Variants in KANK2 observed in about 807,000 individuals in gnomAD.
KANK2 encodes the protein KN motif and ankyrin repeat domain-containing protein 2.
A neutral mutation model predicts 74.6 loss-of-function variants in KANK2; 41 were observed. That is an observed-to-expected ratio of 0.55 (90% confidence interval 0.43 to 0.71). The LOEUF (loss-of-function observed/expected upper bound fraction) is 0.71, where lower values mean the gene tolerates loss of function less well. KANK2 is among the 30% of genes least tolerant of loss of function. The pLI is 0.00. For synonymous variants in KANK2, 537 were observed against 519.0 expected (o/e 1.03, Z -0.47); for missense variants, 1,148 against 1,196.4 (o/e 0.96, Z 0.60).
rs764709573 is a variant in KANK2, at chr19:11,178,683, G to A, written c.1287C>T (p.Pro429=). The change falls in exon 5 of 13, where the codon CCC becomes CCT. Residue 429 remains proline (P), a synonymous_variant. Coordinates refer to ENST00000586659, the MANE Select transcript of KANK2 (RefSeq NM_001136191.3). ...PEVPAESSSS[P]PGSEVASLTQ... ...TAAGGGAGGCTACCTCGGACCCCGGGGGTGACGAAGACGATTCGGCAGGAA... is the reference window on the plus strand; with the variant it reads ...TAAGGGAGGCTACCTCGGACCCCGGAGGTGACGAAGACGATTCGGCAGGAA... 6.5e-7 allele frequency: 1 copy of A among 1,543,490 alleles called. No homozygotes were observed. Among genetic ancestry groups the A allele is most frequent in the Non-Finnish European group, 8.7e-7 (1 of 1,150,314 alleles).
rs529036135 is a variant in KANK2 at position 11,174,505 on chromosome 19, T to C, written c.2036A>G (p.Asn679Ser). 28 of 1,613,146 alleles carry C rather than the reference T, an allele frequency of 1.7e-5. No individual in the cohort carries two copies. Among genetic ancestry groups the C allele is most frequent in the South Asian group, 1.3e-4 (12 of 90,856 alleles). The change falls in exon 9 of 13, where the codon AAC becomes AGC. Residue 679 changes from asparagine to serine, a missense_variant. Physicochemically the swap from Asn to Ser is conservative, Grantham distance 46. Coordinates refer to ENST00000586659, the MANE Select transcript of KANK2 (RefSeq NM_001136191.3). ...GAGCAGCTGCTGCACCACGGGGAAG[T>C]TGGCATGAGACACGGAGTAGTGCAG... ...TALHYSVSHA[N>S]FPVVQQLLDS...
Position 11,183,752 on chromosome 19 carries a change from G to A in KANK2, c.1250-5032C>T, listed in dbSNP as rs905447989. Among the ~76,000 whole-genome samples the A allele has an allele frequency of 3.9e-5, 6 of 152,058 alleles. No individual in the cohort carries two copies. In the East Asian group the frequency reaches 9.7e-4, roughly 24 times the overall value. On this transcript the variant is annotated intron_variant, in intron 4 of 12. Coordinates refer to ENST00000586659, the MANE Select transcript of KANK2 (RefSeq NM_001136191.3). ...TGCAACTTTCGCCTCCCTGATTCAAGTGATTCTCCTGCCTCAGCCTCCCGA... is the reference window on the plus strand; with the variant it reads ...TGCAACTTTCGCCTCCCTGATTCAAATGATTCTCCTGCCTCAGCCTCCCGA...
Position 11,166,623 on chromosome 19 carries a change from A to G in KANK2, c.2503-12T>C. ...GACATTGGGGCAAACTGAAACAGAGAAGCAGAATTCTTTTTGTTTGGGATC... is the reference window on the plus strand; with the variant it reads ...GACATTGGGGCAAACTGAAACAGAGGAGCAGAATTCTTTTTGTTTGGGATC... On this transcript the variant is annotated splice_polypyrimidine_tract_variant and intron_variant, in intron 12 of 12. Transcript: ENST00000586659. 6.2e-7 allele frequency: 1 copy of G among 1,613,992 alleles called. No homozygotes were observed. The highest frequency in any genetic ancestry group is 8.5e-7 in the Non-Finnish European group (1 of 1,179,872).
chr19:11,188,428 C>T (rs1600821442), intron 4 of KANK2, among the ~76,000 whole-genome samples: 1 of 151,792 alleles, frequency 6.6e-6, no homozygotes, highest in East Asian at 1.9e-4. Context: ...TGGTCTCGAG[C>T]TCCTGACCTC....
At position 11,193,581 on chromosome 19, in the gene KANK2, G is replaced by A; in HGVS notation, c.499C>T (p.Pro167Ser). The A allele has an allele frequency of 6.3e-7, 1 of 1,588,486 alleles. No individual in the cohort carries two copies. The highest frequency in any genetic ancestry group is 8.6e-7 in the Non-Finnish European group (1 of 1,168,948). Reference sequence around the variant, plus strand: ...GACAGTCCTGAACTCCGTGGTGTCGGGGGTGGCAACCCCACGCCCACCAGG... The same window carrying A: ...GACAGTCCTGAACTCCGTGGTGTCGAGGGTGGCAACCCCACGCCCACCAGG... The part of the protein sequence containing the change: ...ASLVGVGLPP[P>S]TPRSSGLSTP... Residue 167 changes from proline to serine, a missense_variant, in exon 4 of 13, where the codon CCG becomes TCG. By Grantham distance (74) the Pro-to-Ser change is moderately conservative. Transcript: ENST00000586659. The surrounding 1 kb of genome is among the most constrained non-coding windows in gnomAD (Gnocchi z 9.6).
intron 4 of KANK2, 113 bp downstream of exon 4, chr19:11,192,718 C>A (rs766404783): frequency 5.3e-6 from 7 of 1,328,186 alleles, no homozygotes; most frequent in South Asian, 2.4e-5. Flanking sequence ...TACAGGCATG[C>A]GCCACCGCAC....
Position 11,179,308 on chromosome 19 carries a change from C to T in KANK2, c.1250-588G>A, listed in dbSNP as rs55667023. Among the ~76,000 whole-genome samples the T allele has an allele frequency of 1.1e-3, 129 of 119,064 alleles. 2 individuals are homozygous for T. Among genetic ancestry groups the T allele is most frequent in the African/African-American group, 3.8e-3 (117 of 30,768 alleles). 78.1% of individuals were successfully genotyped at this position (119,064 alleles called of 152,430 possible). A position where few individuals can be genotyped will look rare whatever the true frequency, so the allele number is the denominator to read the frequency against. ...TCCAGCCTGGGCAACAGAGCAAGAC[C>T]CTGCCTCTCAAAAAAAAAAAAAAAT... On this transcript the variant is annotated intron_variant, in intron 4 of 12. Transcript: ENST00000586659.
Position 11,194,057 on chromosome 19 carries a change from A to G in KANK2, c.38-15T>C. On this transcript the variant is annotated splice_polypyrimidine_tract_variant and intron_variant, in intron 3 of 12. Coordinates refer to ENST00000586659, the MANE Select transcript of KANK2 (RefSeq NM_001136191.3). ...GCCAGGGGTCCCTGGGGATGGGAGA[A>G]ACACCAGGACCTTTGAATCCTCTTG... The G allele has an allele frequency of 6.3e-7, 1 of 1,589,830 alleles. No homozygotes were observed. Among genetic ancestry groups the G allele is most frequent in the Non-Finnish European group, 8.6e-7 (1 of 1,167,884 alleles).
chr19:11,177,487 T>C (rs2078379378), intron 6 of KANK2, among the ~76,000 whole-genome samples: 1 of 152,096 alleles, frequency 6.6e-6, no homozygotes. Context: ...CCCAAGTAGC[T>C]GGGACTGCAG....
At chr19:11,194,397 G>T (rs1263332336) in intron 3 of KANK2, 78 bp downstream of exon 3, 1 of 1,206,528 alleles carries the variant, frequency 8.3e-7, no homozygotes, top group Middle Eastern at 2.3e-4. Context: ...AAAGTCCCCA[G>T]GGCAAGGTCC....
chr19:11,193,003 A>T lies in KANK2; in HGVS notation c.1077T>A (p.Pro359=). The T allele has an allele frequency of 6.2e-7, 1 of 1,613,724 alleles. No individual in the cohort carries two copies. The highest frequency in any genetic ancestry group is 1.3e-5 in the African/African-American group (1 of 75,056). Reference sequence around the variant, plus strand: ...CCAGGGCCCTCAGCCCTGTGCCGTAAGGCTCCAGGCTCTGGGCCCGCTGTG... The same window carrying T: ...CCAGGGCCCTCAGCCCTGTGCCGTATGGCTCCAGGCTCTGGGCCCGCTGTG... The part of the protein sequence containing the change: ...APAQRAQSLE[P]YGTGLRALAM... Residue 359 remains proline, a synonymous_variant, in exon 4 of 13, where the codon CCT becomes CCA. Coordinates refer to ENST00000586659, the MANE Select transcript of KANK2 (RefSeq NM_001136191.3). The surrounding 1 kb of genome is among the most constrained non-coding windows in gnomAD (Gnocchi z 9.6).
rs2078022561 is a variant in KANK2, at chr19:11,166,383, G to C, written c.*175C>G. The C allele has an allele frequency of 9.8e-6, 6 of 611,814 alleles. No homozygotes were observed. The highest frequency in any genetic ancestry group is 1.4e-5 in the Non-Finnish European group (5 of 346,996). The allele number at this position is 611,814 out of a possible 1,614,324, so 37.9% of individuals were successfully genotyped here. A position where few individuals can be genotyped will look rare whatever the true frequency, so the allele number is the denominator to read the frequency against. ...AGCCAAGAAAACCCACTTGGAGCTG[G>C]AGTCCTGTGGCCGTCGGGGCTCCCC... On this transcript the variant is annotated 3_prime_UTR_variant, in exon 13 of 13. Transcript: ENST00000586659.
rs1354504790 is a variant in KANK2, at chr19:11,178,621, T to A, written c.1349A>T (p.Gln450Leu). 5.0e-6 allele frequency: 8 copies of A among 1,598,706 alleles called. No homozygotes were observed. In the Admixed American group the frequency reaches 8.9e-5, roughly 18 times the overall value. The change falls in exon 5 of 13, where the codon CAG becomes CTG. Residue 450 changes from glutamine to leucine, a missense_variant. Transcript: ENST00000586659. The stretch of plus-strand genomic sequence containing the variant: ...GGTGGGCTCCCTGTGGGTGGGCTCC[T>A]GGGTGGGCACTCGGCCTGTGCTCTT... ...PEKSTGRVPT[Q>L]EPTHREPTRQ...
In KANK2 at chr19:11,191,191, C is replaced by A. The variant is rs964040322; in HGVS notation, c.1249+1640G>T. On this transcript the variant is annotated intron_variant, in intron 4 of 12. Transcript: ENST00000586659. ...GAGTAGCTGGGACTACAGGTGTGCG[C>A]CACCACGCCCGGCTAATTTTTGTAT... Among the ~76,000 whole-genome samples, 4 of 151,860 alleles carry A rather than the reference C, an allele frequency of 2.6e-5. No homozygotes were observed. The East Asian group carries it at 5.8e-4, about 22-fold the overall frequency.
intron 4 of KANK2, among the ~76,000 whole-genome samples, chr19:11,187,605 T>C (rs536520372): frequency 6.6e-6 from 1 of 152,134 alleles, no homozygotes; most frequent in African/African-American, 2.4e-5. Context: ...TTGGGACTCA[T>C]GAAAAGTATG....
intron 10 of KANK2, among the ~76,000 whole-genome samples, chr19:11,172,640 G>A (rs1422071270): frequency 6.6e-6 from 1 of 152,166 alleles, no homozygotes; most frequent in Non-Finnish European, 1.5e-5. Context: ...GAGTCCCGGT[G>A]CTCCCTAAAA....
At chr19:11,190,738 T>C (rs1304043295) in intron 4 of KANK2, among the ~76,000 whole-genome samples, 1 of 152,038 alleles carries the variant, frequency 6.6e-6, no homozygotes, top group African/African-American at 2.4e-5. Context: ...ACAGCTGTCA[T>C]TATTATTGTT....
At chr19:11,178,271 G>A in intron 6 of KANK2, 74 bp downstream of exon 6, 1 of 1,209,978 alleles carries the variant, frequency 8.3e-7, no homozygotes, top group Non-Finnish European at 1.1e-6. Flanking sequence ...GAGGTAATTA[G>A]GAGGCTCTCG....
intron 4 of KANK2, among the ~76,000 whole-genome samples, chr19:11,184,074 A>C (rs990345860): frequency 1.3e-5 from 2 of 152,142 alleles, no homozygotes; most frequent in African/African-American, 4.8e-5. Context: ...GGTTTTACCT[A>C]TATTCAAAAT....
Sources: gnomAD v4.1 joint callset for allele counts (sites outside exome capture counted in the v4.1 genomes callset) on GRCh38, gnomAD v4.1.1 for gene constraint, Gnocchi (gnomAD v3.1) non-coding constraint, MANE v1.5 for transcripts, NCBI Gene and HGNC (gene_info 2026-07-23, HGNC 2026-07-21) for gene names.